LIPK: variants seen among roughly 807,000 people sequenced by gnomAD.
LIPK encodes lipase member K.
Under a neutral mutation model 48.6 loss-of-function variants are expected in LIPK, and 32 were observed. That is an observed-to-expected ratio of 0.66 (90% CI 0.50 to 0.88). LIPK has a LOEUF of 0.88. Among genes scored for constraint, LIPK ranks in the 40% least tolerant of loss-of-function variants. LIPK has a pLI of 0.00. For missense variants in LIPK, 507 were observed against 478.5 expected (o/e 1.06, Z -0.56); for synonymous variants, 164 against 157.4 (o/e 1.04, Z -0.32).
chr10:88,727,382 C>G (rs1842365079), intron 3 of LIPK: 1 of 187,586 alleles, frequency 5.3e-6, no homozygotes, highest in Non-Finnish European at 1.1e-5. Context: ...ACAATGCCTC[C>G]TCACTGGTAT....
At chr10:88,725,104 A>G (rs116118659) in intron 2 of LIPK, among the ~76,000 whole-genome samples, 9 of 152,384 alleles carry the variant, frequency 5.9e-5, no homozygotes, top group African/African-American at 1.9e-4. Flanking sequence ...AGGCAAAGAA[A>G]AAAAGGCCAA....
intron 1 of LIPK, among the ~76,000 whole-genome samples, chr10:88,713,667 G>A (rs900564698): frequency 4.6e-5 from 7 of 152,094 alleles, no homozygotes; most frequent in South Asian, 2.1e-4. Context: ...TAGGCTGGGC[G>A]TGGTGGCTCA....
chr10:88,742,134 G>C (rs1255212492), intron 8 of LIPK, among the ~76,000 whole-genome samples: 1 of 152,178 alleles, frequency 6.6e-6, no homozygotes, highest in East Asian at 1.9e-4. Flanking sequence ...TCACTATCAG[G>C]AGAACAGCAA....
chr10:88,727,098 C>T (rs1328796937), intron 3 of LIPK, among the ~76,000 whole-genome samples, 186 bp downstream of exon 3: 1 of 152,160 alleles, frequency 6.6e-6, no homozygotes, highest in Non-Finnish European at 1.5e-5. Context: ...CTTTTACATA[C>T]ACTGTTTATC....
chr10:88,717,070 C>T (rs755602891), intron 1 of LIPK, among the ~76,000 whole-genome samples: 1 of 152,102 alleles, frequency 6.6e-6, no homozygotes, highest in Non-Finnish European at 1.5e-5. Context: ...GATGAAGAAG[C>T]GGATGGGTGA....
At chr10:88,738,364 G>A (rs12357879) in intron 7 of LIPK, among the ~76,000 whole-genome samples, 18,428 of 152,088 alleles carry the variant, frequency 0.12, 1,454 homozygotes, top group African/African-American at 0.23. Flanking sequence ...AAAGAGAGGA[G>A]TTGTGTTTGA....
rs190159444 is a variant in LIPK at position 88,732,530 on chromosome 10, C to G, written c.648C>G (p.Thr216=). 13 of 1,610,858 alleles carry G rather than the reference C, an allele frequency of 8.1e-6. No homozygotes were observed. Among genetic ancestry groups the G allele is most frequent in the South Asian group, 5.6e-5 (5 of 90,000 alleles). ...YTQSPMKKLT[T]LSRRVVKVLF... is the part of the protein sequence containing the mutation. The stretch of plus-strand genomic sequence containing the variant: ...AAAGTCCTATGAAAAAACTAACAAC[C>G]CTTTCCAGGCGAGTAGTTAAGGTAT... The change falls in exon 6 of 10, where the codon ACC becomes ACG. Residue 216 remains threonine, a synonymous_variant. Transcript: ENST00000404190.
chr10:88,742,367 A>G (rs750628395), intron 8 of LIPK, among the ~76,000 whole-genome samples: 2 of 152,242 alleles, frequency 1.3e-5, no homozygotes, highest in African/African-American at 2.4e-5. Context: ...CTGAATATAA[A>G]TCATGATGAG....
intron 8 of LIPK, among the ~76,000 whole-genome samples, chr10:88,741,174 C>T (rs577395599): frequency 6.6e-6 from 1 of 152,188 alleles, no homozygotes; most frequent in African/African-American, 2.4e-5. Context: ...TGATATCCCC[C>T]CACTCTACAA....
intron 4 of LIPK, 67 bp downstream of exon 4, chr10:88,731,248 ATTTTT>A: frequency 7.8e-7 from 1 of 1,281,048 alleles, no homozygotes; most frequent in Non-Finnish European, 1.0e-6. Flanking sequence ...ACACCTAGTG[ATTTTT>A]TTCCTGTTTT....
At chr10:88,750,948 A>G (rs912251079) in intron 9 of LIPK, among the ~76,000 whole-genome samples, 3 of 152,210 alleles carry the variant, frequency 2.0e-5, no homozygotes, top group Non-Finnish European at 4.4e-5. Flanking sequence ...TTTGTTTTTA[A>G]AGTATATTCT....
chr10:88,714,440 ACT>A (rs1251634152), intron 1 of LIPK, among the ~76,000 whole-genome samples: 1 of 152,168 alleles, frequency 6.6e-6, no homozygotes, highest in Non-Finnish European at 1.5e-5. Flanking sequence ...CAGTGTTATA[ACT>A]CTGTAAAATC....
intron 9 of LIPK, among the ~76,000 whole-genome samples, chr10:88,752,128 T>C (rs980602078): frequency 3.9e-5 from 6 of 152,164 alleles, no homozygotes; most frequent in African/African-American, 1.4e-4. Context: ...ATATTAATAA[T>C]GCCACTGAGC....
At chr10:88,718,270 A>C (rs1053924563) in intron 1 of LIPK, among the ~76,000 whole-genome samples, 3 of 149,230 alleles carry the variant, frequency 2.0e-5, no homozygotes, top group Admixed American at 6.7e-5. Context: ...ATATATACAT[A>C]CATATTATTT....
chr10:88,722,290 C>T (rs1481602469), intron 1 of LIPK, among the ~76,000 whole-genome samples: 7 of 152,078 alleles, frequency 4.6e-5, no homozygotes, highest in East Asian at 3.9e-4. Context: ...AGCAAAACTC[C>T]GTCTCAGGAA....
intron 3 of LIPK, among the ~76,000 whole-genome samples, chr10:88,729,718 C>G (rs910994969): frequency 6.6e-6 from 1 of 152,156 alleles, no homozygotes; most frequent in Non-Finnish European, 1.5e-5. Context: ...TCTTCTTTCC[C>G]TCTATTCCAA....
At chr10:88,729,114 A>AT (rs36130319) in intron 3 of LIPK, among the ~76,000 whole-genome samples, 5,798 of 148,930 alleles carry the variant, frequency 0.039, 156 homozygotes, top group South Asian at 0.079. Flanking sequence ...AAACAAGTCT[A>AT]TTTTTTTTTT....
chr10:88,752,412 A>C, intron 9 of LIPK, 105 bp from the exon 10 acceptor site: 1 of 748,662 alleles, frequency 1.3e-6, no homozygotes, highest in South Asian at 1.9e-5. Flanking sequence ...AACTAATTGT[A>C]CACTTGTAGC....
chr10:88,744,281 A>G (rs1050968547), intron 9 of LIPK, among the ~76,000 whole-genome samples: 1 of 152,210 alleles, frequency 6.6e-6, no homozygotes, highest in African/African-American at 2.4e-5. Flanking sequence ...GCTTTTGCAG[A>G]TGGGTCCCTA....
Sources: gnomAD v4.1 joint callset for allele counts (sites outside exome capture counted in the v4.1 genomes callset) on GRCh38, gnomAD v4.1.1 for gene constraint, MANE v1.5 for transcripts, NCBI Gene and HGNC (gene_info 2026-07-23, HGNC 2026-07-21) for gene names.